ARHGAP6: variants seen among roughly 807,000 people sequenced by gnomAD.
ARHGAP6 encodes Rho GTPase activating protein 6.
In ARHGAP6, 16 loss-of-function variants were observed where a neutral mutation model predicts 55.7. The observed-to-expected ratio is 0.29, with a 90% CI of 0.19 to 0.44. The LOEUF is 0.44. Ranked by LOEUF, ARHGAP6 falls within the 20% of genes least tolerant of loss-of-function variation. ARHGAP6 has a pLI of 1.00. For synonymous variants in ARHGAP6, 382 were observed against 360.9 expected (o/e 1.06, Z -0.66); for missense variants, 698 against 808.9 (o/e 0.86, Z 1.66).
chrX:11,297,715 T>A (rs2048109791), intron 1 of ARHGAP6, among the ~76,000 whole-genome samples: 1 of 112,292 alleles, frequency 8.9e-6, no homozygotes. Flanking sequence ...AGATTTTCTG[T>A]TGAACCGAAA....
intron 1 of ARHGAP6, among the ~76,000 whole-genome samples, chrX:11,279,074 TA>T (rs1160632413): frequency 9.0e-6 from 1 of 111,326 alleles, no homozygotes. Context: ...GCATCACAGA[TA>T]ATGGCAATAA....
chrX:11,407,231 T>C (rs2049621448), intron 1 of ARHGAP6, among the ~76,000 whole-genome samples: 1 of 111,789 alleles, frequency 8.9e-6, no homozygotes, highest in African/African-American at 3.3e-5. Context: ...TTCATGTAAG[T>C]GGAATCACAA....
At chrX:11,272,048 CA>C (rs1353978971) in intron 1 of ARHGAP6, among the ~76,000 whole-genome samples, 1 of 112,142 alleles carries the variant, frequency 8.9e-6, no homozygotes, top group African/African-American at 3.2e-5. Context: ...TCCCCAAGAA[CA>C]GCATGGTCCA....
chrX:11,427,582 A>G lies in ARHGAP6; in HGVS notation c.589-172875T>C, dbSNP rs777167744. On this transcript the variant is annotated intron_variant, in intron 1 of 12. Coordinates refer to ENST00000337414, the MANE Select transcript of ARHGAP6 (RefSeq NM_013427.3). Reference sequence around the variant, plus strand: ...CAGCTGGGGCTTCTCGCCGCGGTACACCGGGTGCCCCATGTCGCCTCCGGG... The same window carrying G: ...CAGCTGGGGCTTCTCGCCGCGGTACGCCGGGTGCCCCATGTCGCCTCCGGG... 8.8e-6 allele frequency: 8 copies of G among 906,453 alleles called. No individual in the cohort carries two copies. In the South Asian group the frequency reaches 2.0e-4, roughly 22 times the overall value. 74.7% of individuals were successfully genotyped at this position (906,453 alleles called of 1,213,427 possible).
At chrX:11,165,117 T>C (rs1250859632) in intron 9 of ARHGAP6, among the ~76,000 whole-genome samples, 2 of 111,751 alleles carry the variant, frequency 1.8e-5, no homozygotes, top group Admixed American at 1.9e-4. Context: ...ATATAAGCAG[T>C]ATGGACACTG....
At chrX:11,654,485 G>A (rs1352050301) in intron 1 of ARHGAP6, among the ~76,000 whole-genome samples, 3 of 111,824 alleles carry the variant, frequency 2.7e-5, no homozygotes, top group Non-Finnish European at 5.6e-5. Flanking sequence ...CATATCATTC[G>A]ATAGGTGGTT....
intron 1 of ARHGAP6, among the ~76,000 whole-genome samples, chrX:11,337,446 C>T (rs1387406312): frequency 8.9e-6 from 1 of 111,976 alleles, no homozygotes; most frequent in African/African-American, 3.3e-5. Flanking sequence ...GTCCCACTTT[C>T]TCCACTGATG....
At chrX:11,335,027 C>T in intron 1 of ARHGAP6, 1 of 131,043 alleles carries the variant, frequency 7.6e-6, no homozygotes, top group Non-Finnish European at 1.6e-5. Flanking sequence ...GTGGTTTGGA[C>T]AGAGACATCT....
chrX:11,597,820 T>C (rs142664563), intron 1 of ARHGAP6, among the ~76,000 whole-genome samples: 10 of 111,273 alleles, frequency 9.0e-5, no homozygotes, highest in East Asian at 5.6e-4. Context: ...TGTGAAAAAA[T>C]TGAGGAGAGG....
intron 1 of ARHGAP6, among the ~76,000 whole-genome samples, chrX:11,569,990 C>T (rs1395717701): frequency 8.9e-6 from 1 of 112,167 alleles, no homozygotes; most frequent in Non-Finnish European, 1.9e-5. Context: ...AAATAAATTT[C>T]ATGTTTACAG....
intron 6 of ARHGAP6, among the ~76,000 whole-genome samples, chrX:11,180,093 A>G (rs1214383006): frequency 1.8e-5 from 2 of 111,098 alleles, no homozygotes; most frequent in Non-Finnish European, 3.8e-5. Context: ...GACAATAACT[A>G]AATAAAAGCT....
intron 1 of ARHGAP6, among the ~76,000 whole-genome samples, chrX:11,557,731 A>G (rs1490277200): frequency 8.9e-6 from 1 of 112,463 alleles, no homozygotes; most frequent in Non-Finnish European, 1.9e-5. Context: ...CCATCAAGTC[A>G]TCCTTAGCTA....
chrX:11,498,985 AG>A (rs1308315113), intron 1 of ARHGAP6, among the ~76,000 whole-genome samples: 1 of 112,090 alleles, frequency 8.9e-6, no homozygotes, highest in Non-Finnish European at 1.9e-5. Flanking sequence ...GCATTTGGTC[AG>A]GGTCTCTGGT....
intron 1 of ARHGAP6, chrX:11,351,697 C>T (rs1278370006): frequency 2.4e-6 from 1 of 424,699 alleles, no homozygotes. Flanking sequence ...TGGAACTGTG[C>T]TATTAATACT....
At chrX:11,633,102 C>T (rs1201734970) in intron 1 of ARHGAP6, among the ~76,000 whole-genome samples, 1 of 112,328 alleles carries the variant, frequency 8.9e-6, no homozygotes, top group African/African-American at 3.2e-5. Context: ...CCCCTTCCTA[C>T]TCCACTACTG....
intron 8 of ARHGAP6, among the ~76,000 whole-genome samples, chrX:11,174,649 T>G (rs1375661704): frequency 1.3e-4 from 11 of 84,957 alleles, no homozygotes; most frequent in South Asian, 6.1e-4. Context: ...CTTTCTTTCT[T>G]TCTTTCTTTC....
chrX:11,225,710 GA>G, intron 2 of ARHGAP6: 2 of 661,694 alleles, frequency 3.0e-6, no homozygotes, highest in Non-Finnish European at 4.5e-6. Context: ...AACAAGATGG[GA>G]AAGGAACTGA....
chrX:11,141,582 T>C (rs2045618924), intron 12 of ARHGAP6, among the ~76,000 whole-genome samples: 1 of 112,313 alleles, frequency 8.9e-6, no homozygotes, highest in Non-Finnish European at 1.9e-5. Context: ...AATTTTGTTT[T>C]TTAAGTTAGC....
intron 1 of ARHGAP6, among the ~76,000 whole-genome samples, chrX:11,422,461 G>A (rs2049833740): frequency 9.0e-6 from 1 of 111,664 alleles, no homozygotes; most frequent in African/African-American, 3.3e-5. Flanking sequence ...GGTCATGGAT[G>A]AAGCTATTAT....
Sources: gnomAD v4.1 joint callset for allele counts (sites outside exome capture counted in the v4.1 genomes callset) on GRCh38, gnomAD v4.1.1 for gene constraint, MANE v1.5 for transcripts, NCBI Gene and HGNC (gene_info 2026-07-23, HGNC 2026-07-21) for gene names.